The following SLC13A4 variants were observed in gnomAD, a reference collection of about 807,000 sequenced individuals.
SLC13A4 encodes solute carrier family 13 member 4.
In SLC13A4, 28 loss-of-function variants were observed where a neutral mutation model predicts 72.7. The observed-to-expected ratio is 0.39, with a 90% CI of 0.29 to 0.53. The LOEUF (loss-of-function observed/expected upper bound fraction) is 0.53. Among genes scored for constraint, SLC13A4 ranks in the 20% least tolerant of loss-of-function variants. The pLI is 0.78. For synonymous variants in SLC13A4, 312 were observed against 325.5 expected (o/e 0.96, Z 0.45); for missense variants, 653 against 788.0 (o/e 0.83, Z 2.05).
At position 135,708,199 on chromosome 7, in the gene SLC13A4, A is replaced by G; in HGVS notation, c.280T>C (p.Cys94Arg). Reference sequence around the variant, plus strand: ...CACTTCTCCACGGCAGCCGCCACGCAGATGACCCCCACCAGCAGCAGCGTG... The same window carrying G: ...CACTTCTCCACGGCAGCCGCCACGCGGATGACCCCCACCAGCAGCAGCGTG... ...NTTLLLVGVI[C>R]VAAAVEKWNL... Residue 94 changes from cysteine (C) to arginine (R), a missense_variant, in exon 3 of 16, where the codon TGC becomes CGC. Transcript: ENST00000682651. The G allele has an allele frequency of 6.2e-7, 1 of 1,614,218 alleles. No individual in the cohort carries two copies. Among genetic ancestry groups the G allele is most frequent in the South Asian group, 1.1e-5 (1 of 91,086 alleles).
intron 2 of SLC13A4, among the ~76,000 whole-genome samples, chr7:135,711,963 A>ATTTTTTTTTTTTTTTTTTTTTTTTTTTTT (rs529940903): frequency 6.4e-5 from 3 of 46,900 alleles, no homozygotes; most frequent in Non-Finnish European, 1.2e-4. Flanking sequence ...ATGTTTTTGG[A>ATTTTTTTTTTTTTTTTTTTTTTTTTTTTT]TTTTTTTTTT....
Position 135,721,400 on chromosome 7 carries a change from T to A in SLC13A4, c.223A>T (p.Asn75Tyr). The A allele has an allele frequency of 1.2e-6, 2 of 1,613,894 alleles. No individual in the cohort carries two copies. Among genetic ancestry groups the A allele is most frequent in the Non-Finnish European group, 1.7e-6 (2 of 1,179,876 alleles). The change falls in exon 2 of 16, where the codon AAT becomes TAT. Residue 75 changes from asparagine to tyrosine, a missense_variant. Coordinates refer to ENST00000682651, the MANE Select transcript of SLC13A4 (RefSeq NM_001318192.2). ...GGGGCTACAAGTAGTCTAACCTCATTGGACCGGAGGACTCCGAAGAACGGG... is the reference window on the plus strand; with the variant it reads ...GGGGCTACAAGTAGTCTAACCTCATAGGACCGGAGGACTCCGAAGAACGGG... ...LYPFFGVLRSNEVAAEYFKNT... is the reference protein window; with the variant it reads ...LYPFFGVLRSYEVAAEYFKNT...
At chr7:135,687,547 T>C (rs1795660642) in intron 13 of SLC13A4, among the ~76,000 whole-genome samples, 1 of 152,210 alleles carries the variant, frequency 6.6e-6, no homozygotes, top group African/African-American at 2.4e-5. Context: ...CTTCACCTTG[T>C]AGAACTTTTC....
chr7:135,709,943 G>T (rs181659328), intron 2 of SLC13A4, among the ~76,000 whole-genome samples: 1 of 152,046 alleles, frequency 6.6e-6, no homozygotes, highest in African/African-American at 2.4e-5. Flanking sequence ...TAAATTTTTC[G>T]GCTGTGAATG....
chr7:135,693,691 G>GCT (rs1218297204), intron 10 of SLC13A4, among the ~76,000 whole-genome samples: 2 of 152,132 alleles, frequency 1.3e-5, no homozygotes, highest in Non-Finnish European at 2.9e-5. Flanking sequence ...TTTCTTGGAC[G>GCT]CTCTCTCTCC....
intron 2 of SLC13A4, among the ~76,000 whole-genome samples, chr7:135,711,460 C>T (rs1796298825): frequency 6.6e-6 from 1 of 152,166 alleles, no homozygotes; most frequent in Non-Finnish European, 1.5e-5. Flanking sequence ...CCTTCTAGTG[C>T]CGGCATTTTG....
At chr7:135,682,233 C>T (rs1311152574) in intron 15 of SLC13A4, among the ~76,000 whole-genome samples, 1 of 152,156 alleles carries the variant, frequency 6.6e-6, no homozygotes, top group Non-Finnish European at 1.5e-5. Flanking sequence ...GAAGGGGACA[C>T]AGGCATGCTA....
chr7:135,716,061 T>C (rs958748372), intron 2 of SLC13A4, among the ~76,000 whole-genome samples: 2 of 152,154 alleles, frequency 1.3e-5, no homozygotes, highest in African/African-American at 4.8e-5. Flanking sequence ...AGAGTTTTCC[T>C]TTATACAGAA....
intron 5 of SLC13A4, 26 bp from the exon 6 acceptor site, chr7:135,702,910 GC>G: frequency 6.3e-7 from 1 of 1,593,900 alleles, no homozygotes; most frequent in Non-Finnish European, 8.6e-7. Flanking sequence ...GGACACAGGA[GC>G]CACGTCAGTG....
intron 2 of SLC13A4, among the ~76,000 whole-genome samples, chr7:135,713,703 C>T (rs187585468): frequency 9.5e-4 from 144 of 152,216 alleles, no homozygotes; most frequent in Non-Finnish European, 9.1e-4. Flanking sequence ...TCAGCCTTCC[C>T]GGTAGCTATG....
At chr7:135,703,203 T>C in intron 5 of SLC13A4, 1 of 351,094 alleles carries the variant, frequency 2.8e-6, no homozygotes, top group Middle Eastern at 8.9e-4. Flanking sequence ...CAGACATTGT[T>C]AATCCTCATC....
At chr7:135,707,173 A>G (rs1361086364) in intron 3 of SLC13A4, among the ~76,000 whole-genome samples, 1 of 152,178 alleles carries the variant, frequency 6.6e-6, no homozygotes. Context: ...TGACTGATGT[A>G]AATAGGGAGG....
intron 2 of SLC13A4, among the ~76,000 whole-genome samples, chr7:135,710,863 C>T (rs1377812226): frequency 6.6e-6 from 1 of 152,110 alleles, no homozygotes; most frequent in African/African-American, 2.4e-5. Context: ...CAGTGTTTGT[C>T]TCTAAGCCCA....
In SLC13A4 at chr7:135,691,318, G is replaced by A. The variant is rs1049436069; in HGVS notation, c.1329C>T (p.Asn443=). 8 of 1,612,382 alleles carry A rather than the reference G, an allele frequency of 5.0e-6. No homozygotes were observed. Among genetic ancestry groups the A allele is most frequent in the Non-Finnish European group, 6.8e-6 (8 of 1,179,278 alleles). Residue 443 remains asparagine, a synonymous_variant, in exon 13 of 16, where the codon AAC becomes AAT. Transcript: ENST00000682651. Reference sequence around the variant, plus strand: ...GCTCGGTCCCCAGTGAGTGCTCCTGGTTCTCTCCTGGATTAGAGAGAGATG... The same window carrying A: ...GCTCGGTCCCCAGTGAGTGCTCCTGATTCTCTCCTGGATTAGAGAGAGATG... ...PCFGKKNDGE[N]QEHSLGTEPI...
chr7:135,726,023 G>A (rs1458017037), intron 1 of SLC13A4, among the ~76,000 whole-genome samples: 4 of 152,070 alleles, frequency 2.6e-5, no homozygotes, highest in Non-Finnish European at 5.9e-5. Context: ...CTACCTGCTG[G>A]GCACCTAGTC....
At chr7:135,710,200 T>TA (rs561302029) in intron 2 of SLC13A4, among the ~76,000 whole-genome samples, 61 of 152,216 alleles carry the variant, frequency 4.0e-4, no homozygotes, top group Admixed American at 1.2e-3. Flanking sequence ...ATACATAGCA[T>TA]TTGAAATAAT....
chr7:135,695,058 G>C (rs1132590), intron 9 of SLC13A4, among the ~76,000 whole-genome samples: 1 of 152,152 alleles, frequency 6.6e-6, no homozygotes, highest in African/African-American at 2.4e-5. Flanking sequence ...TGTATGCTTT[G>C]AGAGCAATAA....
intron 7 of SLC13A4, among the ~76,000 whole-genome samples, chr7:135,701,445 C>T (rs1796032566): frequency 6.6e-6 from 1 of 152,132 alleles, no homozygotes; most frequent in Admixed American, 6.5e-5. Flanking sequence ...TACACCAAAC[C>T]CCAGCTTTTA....
intron 12 of SLC13A4, 41 bp downstream of exon 12, chr7:135,691,507 T>A: frequency 6.4e-7 from 1 of 1,553,640 alleles, no homozygotes; most frequent in Non-Finnish European, 8.9e-7. Context: ...ATTTGGGTAT[T>A]CTTCAACTAG....
Sources: gnomAD v4.1 joint callset for allele counts (sites outside exome capture counted in the v4.1 genomes callset) on GRCh38, gnomAD v4.1.1 for gene constraint, MANE v1.5 for transcripts, NCBI Gene and HGNC (gene_info 2026-07-23, HGNC 2026-07-21) for gene names.